The following MDH2 variants were observed in gnomAD, a reference collection of about 807,000 sequenced individuals.
MDH2 encodes malate dehydrogenase, mitochondrial.
Under a neutral mutation model 33.6 loss-of-function variants are expected in MDH2, and 25 were observed. The ratio of observed to expected loss-of-function variants is 0.74; its 90% CI spans 0.54 to 1.04. The LOEUF (loss-of-function observed/expected upper bound fraction) is 1.04. Ranked by LOEUF, MDH2 falls within the 50% of genes least tolerant of loss-of-function variation. The pLI, the probability that MDH2 is intolerant of heterozygous loss-of-function variation, is 0.00. For missense variants in MDH2, 432 were observed against 445.0 expected (o/e 0.97, Z 0.26); for synonymous variants, 193 against 188.7 (o/e 1.02, Z -0.19).
At chr7:76,052,629 TCTC>T (rs1207092502) in intron 1 of MDH2, among the ~76,000 whole-genome samples, 15 of 150,768 alleles carry the variant, frequency 9.9e-5, no homozygotes, top group Non-Finnish European at 1.6e-4. Context: ...AGTGGTGTGA[TCTC>T]CTCCTGGGTT....
chr7:76,050,293 G>A (rs1797581652), intron 1 of MDH2, among the ~76,000 whole-genome samples: 1 of 152,244 alleles, frequency 6.6e-6, no homozygotes, highest in African/African-American at 2.4e-5. Flanking sequence ...GCCTCCCAAA[G>A]TGCTGGGATT....
At chr7:76,066,023 T>A (rs1554587818) in intron 8 of MDH2, among the ~76,000 whole-genome samples, 4 of 152,088 alleles carry the variant, frequency 2.6e-5, no homozygotes, top group South Asian at 2.1e-4. Context: ...ATTTGGAAGG[T>A]CAGTCATTGT....
At chr7:76,056,333 A>G (rs1310715861) in intron 2 of MDH2, among the ~76,000 whole-genome samples, 1 of 152,214 alleles carries the variant, frequency 6.6e-6, no homozygotes, top group Non-Finnish European at 1.5e-5. Context: ...AGCTTTTACT[A>G]TAAAGTTCCA....
At chr7:76,063,021 C>T (rs1797995596) in intron 5 of MDH2, among the ~76,000 whole-genome samples, 1 of 152,176 alleles carries the variant, frequency 6.6e-6, no homozygotes, top group South Asian at 2.1e-4. Context: ...TCTTTCTGTC[C>T]CAATCACTGT....
chr7:76,048,883 C>G (rs984196240), intron 1 of MDH2: 5 of 1,116,902 alleles, frequency 4.5e-6, no homozygotes, highest in Non-Finnish European at 5.4e-6. Context: ...TTTTAGCCAT[C>G]TTCTAGAATG....
intron 5 of MDH2, among the ~76,000 whole-genome samples, chr7:76,063,213 C>T (rs1798000055): frequency 6.6e-6 from 1 of 152,226 alleles, no homozygotes; most frequent in South Asian, 2.1e-4. Context: ...CCACAGGAGG[C>T]AGCATCCTCC....
intron 8 of MDH2, 110 bp from the exon 9 acceptor site, chr7:76,066,169 C>T: frequency 7.3e-7 from 1 of 1,374,916 alleles, no homozygotes; most frequent in Non-Finnish European, 9.8e-7. Flanking sequence ...CACCCAGAAC[C>T]CGCATGTGTA....
Position 76,066,901 on chromosome 7 carries a change from G to C in MDH2, c.*491G>C, listed in dbSNP as rs1267829142. On this transcript the variant is annotated 3_prime_UTR_variant, in exon 9 of 9. Coordinates refer to ENST00000315758, the MANE Select transcript of MDH2 (RefSeq NM_005918.4). The stretch of plus-strand genomic sequence containing the variant: ...GTTCAGCGGCGAATGCCAGGCAGCT[G>C]TTTTCTGGCTGAGCAAACAGCACCT... 2.0e-5 allele frequency: 3 copies of C among 152,314 alleles called. No individual in the cohort carries two copies. The highest frequency in any genetic ancestry group is 7.2e-5 in the African/African-American group (3 of 41,448). 9.4% of individuals were successfully genotyped at this position (152,314 alleles called of 1,614,324 possible).
chr7:76,049,866 C>T (rs568348418), intron 1 of MDH2, among the ~76,000 whole-genome samples: 2 of 152,086 alleles, frequency 1.3e-5, no homozygotes, highest in South Asian at 2.1e-4. Context: ...AGTGCCTCGC[C>T]CTGTCGACAG....
intron 8 of MDH2, among the ~76,000 whole-genome samples, chr7:76,065,915 G>A (rs184052744): frequency 1.3e-5 from 2 of 152,368 alleles, no homozygotes; most frequent in Non-Finnish European, 2.9e-5. Flanking sequence ...ATACGGTGAA[G>A]TGTTCCTGAT....
intron 2 of MDH2, among the ~76,000 whole-genome samples, chr7:76,056,607 T>C (rs1355477608): frequency 1.3e-5 from 2 of 152,250 alleles, no homozygotes; most frequent in Non-Finnish European, 2.9e-5. Context: ...CAAATTTCCC[T>C]GAAATCTTTG....
rs540958660 is a variant in MDH2, at chr7:76,065,055, G to A, written c.885+102G>A. 5.1e-6 allele frequency: 7 copies of A among 1,382,760 alleles called. No homozygotes were observed. In the African/African-American group the frequency reaches 8.6e-5, roughly 17 times the overall value. 85.7% of individuals were successfully genotyped at this position (1,382,760 alleles called of 1,614,324 possible). On this transcript the variant is annotated intron_variant, in intron 8 of 8. Coordinates refer to ENST00000315758, the MANE Select transcript of MDH2 (RefSeq NM_005918.4). ...CTGGCCCTTTATGCAGTAAGCTCAT[G>A]TGCCTGCCTGGCGAGTGCTGTTGTT... is the stretch of plus-strand genomic sequence containing the variant.
At chr7:76,049,709 C>T (rs535835494) in intron 1 of MDH2, among the ~76,000 whole-genome samples, 11 of 152,222 alleles carry the variant, frequency 7.2e-5, no homozygotes, top group Admixed American at 5.9e-4. Context: ...GAAGTCCCTG[C>T]TCTCACGGAA....
intron 4 of MDH2, among the ~76,000 whole-genome samples, chr7:76,059,304 A>G (rs782517482): frequency 6.6e-6 from 1 of 152,206 alleles, no homozygotes; most frequent in Non-Finnish European, 1.5e-5. Context: ...TCAGACCTCA[A>G]CTGACTGCTG....
intron 8 of MDH2, among the ~76,000 whole-genome samples, chr7:76,065,864 G>A (rs1477265681): frequency 1.3e-5 from 2 of 152,332 alleles, no homozygotes; most frequent in African/African-American, 2.4e-5. Flanking sequence ...ACCAACCTGC[G>A]GGGAGAGACA....
chr7:76,055,025 T>A (rs782728879), intron 2 of MDH2, 27 bp downstream of exon 2: 24 of 1,582,822 alleles, frequency 1.5e-5, no homozygotes, highest in Non-Finnish European at 2.1e-5. Context: ...CCCTGGAGAC[T>A]TGCTTCCTGT....
At chr7:76,056,977 C>T (rs1395442883) in intron 2 of MDH2, among the ~76,000 whole-genome samples, 1 of 150,954 alleles carries the variant, frequency 6.6e-6, no homozygotes, top group Non-Finnish European at 1.5e-5. Flanking sequence ...CACACCACTG[C>T]ACTCCAGCCT....
Position 76,066,553 on chromosome 7 carries a change from C to CATGA in MDH2, c.*143_*144insATGA. The CATGA allele has an allele frequency of 1.9e-6, 2 of 1,030,648 alleles. No individual in the cohort carries two copies. Among genetic ancestry groups the CATGA allele is most frequent in the Non-Finnish European group, 1.3e-6 (1 of 761,770 alleles). 63.8% of individuals were successfully genotyped at this position (1,030,648 alleles called of 1,614,324 possible). On this transcript the variant is annotated 3_prime_UTR_variant, in exon 9 of 9. Coordinates refer to ENST00000315758, the MANE Select transcript of MDH2 (RefSeq NM_005918.4). ...ATCATGCCTTCCAAATTGTGGGTGG[C>CATGA]TCTGTGGGCGCATCAATAAAAGCCG...
intron 1 of MDH2, chr7:76,048,856 C>T (rs553109386): frequency 1.7e-6 from 2 of 1,184,584 alleles, no homozygotes; most frequent in Admixed American, 9.0e-5. Flanking sequence ...CCACTTAAGC[C>T]TAGGAGCCTA....
Sources: allele counts gnomAD v4.1 joint callset (sites outside exome capture counted in the v4.1 genomes callset), GRCh38; gene constraint gnomAD v4.1.1; transcripts MANE v1.5; gene names NCBI Gene and HGNC (gene_info 2026-07-23, HGNC 2026-07-21).